VSTM1: variants seen among roughly 807,000 people sequenced by gnomAD.
VSTM1 encodes the protein V-set and transmembrane domain containing 1.
A neutral mutation model predicts 33.1 loss-of-function variants in VSTM1; 27 were observed. That is an observed-to-expected ratio of 0.82 (90% CI 0.60 to 1.12). The LOEUF (loss-of-function observed/expected upper bound fraction) is 1.12. Ranked by LOEUF, VSTM1 falls within the 50% of genes most tolerant of loss-of-function variation. The pLI is 0.00. For synonymous variants in VSTM1, 115 were observed against 110.3 expected (o/e 1.04, Z -0.27); for missense variants, 304 against 288.9 (o/e 1.05, Z -0.38).
chr19:54,063,578 T>C (rs1398155777), intron 1 of VSTM1, among the ~76,000 whole-genome samples, 166 bp downstream of exon 1: 3 of 152,104 alleles, frequency 2.0e-5, no homozygotes, highest in Admixed American at 6.6e-5. Context: ...CTCGCTTGCA[T>C]GTGGGCGGCA....
chr19:54,063,588 A>C lies in VSTM1; in HGVS notation c.34+156T>G, dbSNP rs144508174. On this transcript the variant is annotated intron_variant, in intron 1 of 8. Coordinates refer to ENST00000338372, the MANE Select transcript of VSTM1 (RefSeq NM_198481.4). The stretch of plus-strand genomic sequence containing the variant: ...TCCTCCTCGCTTGCATGTGGGCGGC[A>C]GAACTCACAGAACCCACAGCCCAGA... 6.6e-3 allele frequency among the ~76,000 whole-genome samples: 999 copies of C among 152,234 alleles called. 10 individuals carry two copies. The highest frequency in any genetic ancestry group is 0.023 in the African/African-American group (963 of 41,550).
At chr19:54,042,806 G>GTATATATACATATA (rs2070361297) in intron 4 of VSTM1, among the ~76,000 whole-genome samples, 5 of 57,938 alleles carry the variant, frequency 8.6e-5, no homozygotes, top group South Asian at 6.1e-4. Flanking sequence ...ATATAAATGT[G>GTATATATACATATA]TATATATATA....
Position 54,040,871 on chromosome 19 carries a change from G to A in VSTM1, c.*90C>T, listed in dbSNP as rs1163969268. On this transcript the variant is annotated 3_prime_UTR_variant, in exon 9 of 9. Coordinates refer to ENST00000338372, the MANE Select transcript of VSTM1 (RefSeq NM_198481.4). ...TTAATTTTATTGATATGGACGAAGA[G>A]CAAGGAAACACAGTATCTGCATCTC... The A allele has an allele frequency of 6.7e-6, 10 of 1,499,636 alleles. No individual in the cohort carries two copies. Among genetic ancestry groups the A allele is most frequent in the Non-Finnish European group, 8.0e-6 (9 of 1,118,750 alleles). 92.9% of individuals were successfully genotyped at this position (1,499,636 alleles called of 1,614,324 possible).
At chr19:54,052,156 T>A (rs2070873235) in intron 3 of VSTM1, among the ~76,000 whole-genome samples, 1 of 150,882 alleles carries the variant, frequency 6.6e-6, no homozygotes, top group African/African-American at 2.4e-5. Flanking sequence ...CCCAGCACTT[T>A]GGGAGGCCGA....
intron 4 of VSTM1, among the ~76,000 whole-genome samples, chr19:54,050,196 A>G (rs1255804368): frequency 1.3e-5 from 2 of 151,604 alleles, no homozygotes; most frequent in African/African-American, 4.8e-5. Context: ...ACAGGGTTTC[A>G]CCATGTTGCC....
In VSTM1 at chr19:54,058,448, T is replaced by G. The variant is rs367761217; in HGVS notation, c.213A>C (p.Glu71Asp). Reference sequence around the variant, plus strand: ...CAGCTTCGTTTTCTGCCGAGCTCTGTTCCTGCTTGTACCCAGAGTCGTTCA... The same window carrying G: ...CAGCTTCGTTTTCTGCCGAGCTCTGGTCCTGCTTGTACCCAGAGTCGTTCA... ...RKVNDSGYKQEQSSAENEAEF... is the reference protein window; with the variant it reads ...RKVNDSGYKQDQSSAENEAEF... The change falls in exon 3 of 9, where the codon GAA (glutamate) becomes GAC (aspartate). Residue 71 changes from glutamate (E) to aspartate (D), a missense_variant. Glu to Asp is a conservative substitution (Grantham distance 45). Coordinates refer to ENST00000338372, the MANE Select transcript of VSTM1 (RefSeq NM_198481.4). 6.7e-5 allele frequency: 108 copies of G among 1,613,966 alleles called. No individual in the cohort carries two copies. Among genetic ancestry groups the G allele is most frequent in the Non-Finnish European group, 8.8e-5 (104 of 1,180,024 alleles).
At position 54,058,472 on chromosome 19, in the gene VSTM1, C is replaced by G. The variant is rs779209558; in HGVS notation, c.189G>C (p.Val63=). ...SQNVTFVLRK[V]NDSGYKQEQS... is the part of the protein sequence containing the mutation. ...GTTCCTGCTTGTACCCAGAGTCGTT[C>G]ACCTTGCGCAGCACAAATGTCACAT... is the stretch of plus-strand genomic sequence containing the variant. Residue 63 remains valine, a synonymous_variant, in exon 3 of 9, where the codon GTG becomes GTC. Transcript: ENST00000338372. 5.0e-6 allele frequency: 8 copies of G among 1,613,654 alleles called. No homozygotes were observed. Among genetic ancestry groups the G allele is most frequent in the Non-Finnish European group, 5.9e-6 (7 of 1,179,940 alleles).
chr19:54,051,518 G>T, intron 3 of VSTM1, 70 bp from the exon 4 acceptor site: 2 of 1,263,966 alleles, frequency 1.6e-6, no homozygotes, highest in Non-Finnish European at 2.2e-6. Flanking sequence ...GAGTCCTCAC[G>T]TCCTACTTAT....
chr19:54,045,255 T>A (rs1294193937), intron 4 of VSTM1, among the ~76,000 whole-genome samples: 2 of 152,244 alleles, frequency 1.3e-5, no homozygotes, highest in Non-Finnish European at 2.9e-5. Flanking sequence ...ATCTATTATC[T>A]ATCTACCTAT....
In VSTM1 at chr19:54,042,260, G is replaced by A; in HGVS notation, c.487+17C>T. On this transcript the variant is annotated intron_variant, in intron 5 of 8. Coordinates refer to ENST00000338372, the MANE Select transcript of VSTM1 (RefSeq NM_198481.4). ...TCCTTCACTCCCCCTCTCTCCCTTT[G>A]CGTTCTCTGAGCTCACTGTGCTGGC... 1 of 1,613,916 alleles carries A rather than the reference G, an allele frequency of 6.2e-7. No homozygotes were observed. The highest frequency in any genetic ancestry group is 8.5e-7 in the Non-Finnish European group (1 of 1,179,984).
At chr19:54,050,251 G>A (rs1198522174) in intron 4 of VSTM1, among the ~76,000 whole-genome samples, 2 of 151,770 alleles carry the variant, frequency 1.3e-5, no homozygotes, top group Admixed American at 6.6e-5. Context: ...CGCCCACCTC[G>A]GCCTCCCAAA....
intron 8 of VSTM1, among the ~76,000 whole-genome samples, 186 bp downstream of exon 8, chr19:54,041,593 G>T (rs1358636109): frequency 1.3e-5 from 2 of 152,110 alleles, no homozygotes; most frequent in Non-Finnish European, 1.5e-5. Flanking sequence ...GAGCCACCGC[G>T]CCCGGCCCAT....
intron 4 of VSTM1, among the ~76,000 whole-genome samples, chr19:54,044,236 A>G (rs1294761019): frequency 1.3e-5 from 2 of 152,172 alleles, no homozygotes; most frequent in Admixed American, 6.6e-5. Flanking sequence ...AGGATTCCTA[A>G]TAAGAACAGG....
rs751295016 is a variant in VSTM1 at position 54,041,046 on chromosome 19, A to C, written c.626T>G (p.Leu209Arg). 6.2e-7 allele frequency: 1 copy of C among 1,606,036 alleles called. No homozygotes were observed. The highest frequency in any genetic ancestry group is 1.1e-5 in the South Asian group (1 of 90,276). The change falls in exon 9 of 9, where the codon CTA becomes CGA. Residue 209 changes from leucine (L) to arginine (R), a missense_variant. Leu to Arg is a moderately radical substitution (Grantham distance 102). Coordinates refer to ENST00000338372, the MANE Select transcript of VSTM1 (RefSeq NM_198481.4). ...TGCCTCAGACAGGGCGCTGGTGCTT[A>C]GCTCAGCATAGGTCACTCCTTGGGG... is the stretch of plus-strand genomic sequence containing the variant. ...ADPQGVTYAE[L>R]STSALSEAAS...
intron 4 of VSTM1, among the ~76,000 whole-genome samples, chr19:54,047,844 A>G (rs72626273): frequency 0.06 from 9,140 of 152,266 alleles, 330 homozygotes; most frequent in East Asian, 0.11. Flanking sequence ...TGAGATGTCC[A>G]CAGATCCTGG....
intron 4 of VSTM1, among the ~76,000 whole-genome samples, chr19:54,049,501 CT>C (rs1431682216): frequency 6.6e-6 from 1 of 152,110 alleles, no homozygotes; most frequent in African/African-American, 2.4e-5. Context: ...AATTTTTGGA[CT>C]GTGAATTATA....
intron 4 of VSTM1, among the ~76,000 whole-genome samples, chr19:54,042,841 T>C (rs575479809): frequency 0.026 from 2,479 of 96,064 alleles, 32 homozygotes; most frequent in African/African-American, 0.036. Flanking sequence ...TATATATACA[T>C]ATATATATAT....
chr19:54,041,186 A>C (rs2070243431), intron 8 of VSTM1, 106 bp from the exon 9 acceptor site: 1 of 1,259,478 alleles, frequency 7.9e-7, no homozygotes, highest in African/African-American at 1.6e-5. Context: ...TTTAATTTAA[A>C]ACCCAGGTCC....
intron 4 of VSTM1, among the ~76,000 whole-genome samples, chr19:54,048,635 T>C (rs2070707604): frequency 6.6e-6 from 1 of 152,112 alleles, no homozygotes; most frequent in Non-Finnish European, 1.5e-5. Flanking sequence ...CTCAAAAAGT[T>C]GAACATAATA....
Sources: allele counts gnomAD v4.1 joint callset (sites outside exome capture counted in the v4.1 genomes callset), GRCh38; gene constraint gnomAD v4.1.1; transcripts MANE v1.5; gene names NCBI Gene and HGNC (gene_info 2026-07-23, HGNC 2026-07-21).